The following AKAP7 variants were observed in gnomAD, a reference collection of about 807,000 sequenced individuals.
AKAP7 encodes A-kinase anchoring protein 7, also known as A kinase (PRKA) anchor protein 7.
A neutral mutation model predicts 39.5 loss-of-function variants in AKAP7; 39 were observed. The observed-to-expected ratio is 0.99, with a 90% CI of 0.76 to 1.29. The LOEUF (loss-of-function observed/expected upper bound fraction) is 1.29, where lower values mean the gene tolerates loss of function less well. Among genes scored for constraint, AKAP7 ranks in the 50% most tolerant of loss-of-function variants. AKAP7 has a pLI of 0.00. For missense variants in AKAP7, 414 were observed against 407.7 expected (o/e 1.02, Z -0.13); for synonymous variants, 140 against 139.1 (o/e 1.01, Z -0.05).
intron 7 of AKAP7, among the ~76,000 whole-genome samples, chr6:131,239,396 C>A: frequency 6.6e-6 from 1 of 152,156 alleles, no homozygotes. Context: ...TTGGAGTGCT[C>A]TTCTCGAGGA....
chr6:131,277,405 G>A (rs1374483973), intron 7 of AKAP7, among the ~76,000 whole-genome samples: 1 of 152,190 alleles, frequency 6.6e-6, no homozygotes, highest in Non-Finnish European at 1.5e-5. Context: ...TCAAGAATGT[G>A]TTGCTTACAT....
At chr6:131,158,070 C>G (rs757318097) in intron 2 of AKAP7, among the ~76,000 whole-genome samples, 2 of 152,272 alleles carry the variant, frequency 1.3e-5, no homozygotes, top group East Asian at 3.9e-4. Flanking sequence ...CATTAAAATA[C>G]TATTTGAGGC....
intron 2 of AKAP7, among the ~76,000 whole-genome samples, chr6:131,145,918 A>C (rs78697547): frequency 0.033 from 4,973 of 152,146 alleles, 260 homozygotes; most frequent in East Asian, 0.18. Flanking sequence ...TGTTATATTC[A>C]TATATAATAA....
chr6:131,197,409 T>A (rs993962036), intron 5 of AKAP7, among the ~76,000 whole-genome samples: 1 of 152,214 alleles, frequency 6.6e-6, no homozygotes, highest in Admixed American at 6.5e-5. Flanking sequence ...CCATTGTAGT[T>A]GTGGCAGTTC....
chr6:131,212,481 T>G (rs1808760386), intron 6 of AKAP7, among the ~76,000 whole-genome samples: 1 of 152,236 alleles, frequency 6.6e-6, no homozygotes. Flanking sequence ...AGGGAACAGT[T>G]CCAAACCAAA....
At chr6:131,222,924 G>T (rs912906865) in intron 7 of AKAP7, among the ~76,000 whole-genome samples, 1 of 151,912 alleles carries the variant, frequency 6.6e-6, no homozygotes, top group African/African-American at 2.4e-5. Context: ...TTAAGAAATT[G>T]CCACAACCAC....
At chr6:131,224,674 TA>T (rs575475619) in intron 7 of AKAP7, among the ~76,000 whole-genome samples, 117 of 142,520 alleles carry the variant, frequency 8.2e-4, no homozygotes, top group Admixed American at 2.2e-3. Flanking sequence ...TAAGACATCT[TA>T]AAAAAAAAAT....
intron 5 of AKAP7, among the ~76,000 whole-genome samples, chr6:131,199,103 G>A (rs1446551726): frequency 6.6e-6 from 1 of 152,168 alleles, no homozygotes; most frequent in Non-Finnish European, 1.5e-5. Flanking sequence ...AGATATGAAG[G>A]GTTTCAGATA....
At chr6:131,127,966 G>A in the AKAP7 span, among the ~76,000 whole-genome samples, 1 of 152,210 alleles carries the variant, frequency 6.6e-6, no homozygotes. Flanking sequence ...GTAAGTGGGA[G>A]CTAAATAATG....
chr6:131,138,875 CAT>C (rs1365802694), intron 1 of AKAP7, among the ~76,000 whole-genome samples: 1 of 144,346 alleles, frequency 6.9e-6, no homozygotes, highest in African/African-American at 2.5e-5. Flanking sequence ...TAGTAACAGA[CAT>C]ATTAATAGTT....
chr6:131,192,044 G>A (rs535211278), intron 5 of AKAP7, among the ~76,000 whole-genome samples: 1 of 152,166 alleles, frequency 6.6e-6, no homozygotes, highest in Non-Finnish European at 1.5e-5. Flanking sequence ...CCAAAGTGCT[G>A]GGATTGCAGA....
chr6:131,282,001 G>A lies in AKAP7; in HGVS notation c.*275G>A, dbSNP rs1341334380. On this transcript the variant is annotated 3_prime_UTR_variant, in exon 8 of 8. Transcript: ENST00000431975. Reference sequence around the variant, plus strand: ...CACGCACAAGGGAAAGGGAACTTTGGGTTATGCCTCCTGGACGCAAATTAA... The same window carrying A: ...CACGCACAAGGGAAAGGGAACTTTGAGTTATGCCTCCTGGACGCAAATTAA... 1.9e-5 allele frequency: 22 copies of A among 1,170,582 alleles called. 1 individual carries two copies. Among genetic ancestry groups the A allele is most frequent in the Middle Eastern group, 3.5e-4 (1 of 2,892 alleles). The allele number at this position is 1,170,582 out of a possible 1,614,324, so 72.5% of individuals were successfully genotyped here. A position where few individuals can be genotyped will look rare whatever the true frequency, so the allele number is the denominator to read the frequency against.
chr6:131,212,557 G>T (rs1301449474), intron 6 of AKAP7, among the ~76,000 whole-genome samples: 20 of 152,178 alleles, frequency 1.3e-4, no homozygotes, highest in Non-Finnish European at 5.9e-5. Context: ...TTATAGGGGT[G>T]TCAATGTAAA....
intron 7 of AKAP7, among the ~76,000 whole-genome samples, chr6:131,258,565 C>T (rs1259266098): frequency 6.6e-6 from 1 of 152,190 alleles, no homozygotes; most frequent in East Asian, 1.9e-4. Context: ...CTGTGACTAA[C>T]ATTCATAATG....
chr6:131,277,232 A>G (rs1814819665), intron 7 of AKAP7, among the ~76,000 whole-genome samples: 1 of 152,136 alleles, frequency 6.6e-6, no homozygotes, highest in Non-Finnish European at 1.5e-5. Flanking sequence ...TGCTTAAAAG[A>G]TTTTTCATGA....
chr6:131,208,721 A>C (rs1222041165), intron 6 of AKAP7, among the ~76,000 whole-genome samples: 1 of 152,214 alleles, frequency 6.6e-6, no homozygotes, highest in Non-Finnish European at 1.5e-5. Flanking sequence ...CTTATTGTGA[A>C]TCTCAAGAGC....
chr6:131,275,674 A>T (rs551990360), intron 7 of AKAP7, among the ~76,000 whole-genome samples: 11 of 152,242 alleles, frequency 7.2e-5, no homozygotes, highest in Non-Finnish European at 1.3e-4. Flanking sequence ...GCCATCTTTG[A>T]TGTGACCATA....
At chr6:131,150,846 A>G (rs963527216) in intron 2 of AKAP7, among the ~76,000 whole-genome samples, 2 of 152,158 alleles carry the variant, frequency 1.3e-5, no homozygotes, top group South Asian at 2.1e-4. Flanking sequence ...CAATTCCTCA[A>G]TACATGTGAA....
At chr6:131,190,420 A>G (rs1425640339) in intron 5 of AKAP7, among the ~76,000 whole-genome samples, 1 of 152,160 alleles carries the variant, frequency 6.6e-6, no homozygotes, top group Non-Finnish European at 1.5e-5. Flanking sequence ...AGGCGGGCAG[A>G]TCACTTGAGG....
Sources: allele counts gnomAD v4.1 joint callset (sites outside exome capture counted in the v4.1 genomes callset), GRCh38; gene constraint gnomAD v4.1.1; transcripts MANE v1.5; gene names NCBI Gene and HGNC (gene_info 2026-07-23, HGNC 2026-07-21).